Variants in SATB2 observed in about 807,000 individuals in gnomAD.
The protein encoded by SATB2 is SATB homeobox 2, also known as DNA-binding protein SATB2.
SATB2 carries 1 observed loss-of-function variant against 73.4 expected under a neutral mutation model. The observed-to-expected ratio is 0.01, with a 90% confidence interval of 0.00 to 0.06. SATB2 has a LOEUF of 0.06. SATB2 is among the 10% of genes least tolerant of loss of function. The pLI, the probability that SATB2 is intolerant of heterozygous loss-of-function variation, is 1.00. For missense variants in SATB2, 459 were observed against 945.8 expected, an observed-to-expected ratio of 0.49 and a Z score of 6.75; for synonymous variants, 397 against 367.0, an observed-to-expected ratio of 1.08 and a Z score of -0.93.
At chr2:199,467,096 C>G (rs1410406919), upstream of SATB2, among the ~76,000 whole-genome samples, 1 of 152,260 alleles carries the variant, frequency 6.6e-6, no homozygotes, top group Non-Finnish European at 1.5e-5. Context: ...CTGGGCAAGT[C>G]CCCTGCAGAA....
chr2:199,293,396 C>A (rs1692929692), intron 10 of SATB2, among the ~76,000 whole-genome samples: 1 of 151,888 alleles, frequency 6.6e-6, no homozygotes, highest in African/African-American at 2.4e-5. Flanking sequence ...CTCGAGTAGC[C>A]CAAACTTCTA....
intron 3 of SATB2, among the ~76,000 whole-genome samples, chr2:199,412,497 C>G (rs905468643): frequency 5.3e-5 from 8 of 152,180 alleles, no homozygotes; most frequent in Admixed American, 3.3e-4. Context: ...CCTGAATGCA[C>G]AGCACACAAA....
At chr2:199,330,728 T>A (rs1291138959) in intron 7 of SATB2, among the ~76,000 whole-genome samples, 1 of 152,218 alleles carries the variant, frequency 6.6e-6, no homozygotes, top group Non-Finnish European at 1.5e-5. Context: ...AATGAATTTG[T>A]TTTGAAGATA....
intron 5 of SATB2, among the ~76,000 whole-genome samples, chr2:199,372,898 C>T (rs982484179): frequency 6.6e-6 from 1 of 152,132 alleles, no homozygotes; most frequent in African/African-American, 2.4e-5. Flanking sequence ...AAATAATAAA[C>T]ACAGGTTAAA....
intron 2 of SATB2, among the ~76,000 whole-genome samples, chr2:199,441,655 G>T (rs1238707345): frequency 1.3e-5 from 2 of 152,136 alleles, no homozygotes; most frequent in African/African-American, 4.8e-5. Flanking sequence ...CTCGCTCACT[G>T]ACCACCCCGA....
At chr2:199,453,651 C>T (rs1692192506) in intron 2 of SATB2, among the ~76,000 whole-genome samples, 1 of 151,950 alleles carries the variant, frequency 6.6e-6, no homozygotes, top group African/African-American at 2.4e-5. Flanking sequence ...TTAACAGTTA[C>T]AAAGAAACTA....
At chr2:199,366,691 T>A (rs536360619) in intron 6 of SATB2, among the ~76,000 whole-genome samples, 1 of 151,104 alleles carries the variant, frequency 6.6e-6, no homozygotes, top group East Asian at 2.0e-4. Flanking sequence ...TCTCTTTGAA[T>A]AGTATGTGTA....
At chr2:199,358,698 T>A (rs1489832376) in intron 6 of SATB2, among the ~76,000 whole-genome samples, 2 of 152,118 alleles carry the variant, frequency 1.3e-5, no homozygotes, top group African/African-American at 4.8e-5. Flanking sequence ...AGGTGTATTT[T>A]CCCCTTATTA....
chr2:199,300,481 G>A (rs2105756557), intron 10 of SATB2, among the ~76,000 whole-genome samples: 1 of 151,458 alleles, frequency 6.6e-6, no homozygotes, highest in South Asian at 2.1e-4. Flanking sequence ...GGAGTACTTT[G>A]CTATCCCAAA....
At chr2:199,285,014 C>T (rs1692643948) in intron 10 of SATB2, among the ~76,000 whole-genome samples, 1 of 152,036 alleles carries the variant, frequency 6.6e-6, no homozygotes, top group Admixed American at 6.5e-5. Flanking sequence ...TTGTTATCTG[C>T]AAGAAGTTCT....
chr2:199,386,626 T>C (rs1689941554), intron 3 of SATB2, among the ~76,000 whole-genome samples: 1 of 152,108 alleles, frequency 6.6e-6, no homozygotes, highest in Non-Finnish European at 1.5e-5. Context: ...ATAAGTTTTG[T>C]AACCCCAATT....
In SATB2 at chr2:199,281,880, CTCT is replaced by C. The variant is rs1468935481; in HGVS notation, c.1741-9211_1741-9209del. The stretch of plus-strand genomic sequence containing the variant: ...TGTGGCGCTGCATTCCATATTCTCT[CTCT>C]TTTTTTTTTTTTTTTTGAGACAGGG... On this transcript the variant is annotated intron_variant, in intron 10 of 10. Transcript: ENST00000417098. 7.9e-5 allele frequency among the ~76,000 whole-genome samples: 9 copies of C among 113,596 alleles called. No individual in the cohort carries two copies. The South Asian group carries it at 2.2e-3, about 28-fold the overall frequency. 74.5% of individuals were successfully genotyped at this position (113,596 alleles called of 152,430 possible). A position where few individuals can be genotyped will look rare whatever the true frequency, so the allele number is the denominator to read the frequency against.
chr2:199,391,216 C>T (rs1483997216), intron 3 of SATB2, among the ~76,000 whole-genome samples: 3 of 151,950 alleles, frequency 2.0e-5, no homozygotes, highest in East Asian at 1.9e-4. Context: ...GAGGCCGAGG[C>T]GGGTGGATCA....
At chr2:199,342,426 T>TTA (rs1688532377) in intron 7 of SATB2, among the ~76,000 whole-genome samples, 2 of 122,426 alleles carry the variant, frequency 1.6e-5, no homozygotes, top group East Asian at 4.5e-4. Flanking sequence ...AAAGACTAGC[T>TTA]AAAAAAAAAA....
intron 3 of SATB2, among the ~76,000 whole-genome samples, chr2:199,386,188 T>C (rs1161979002): frequency 1.3e-5 from 2 of 152,214 alleles, no homozygotes; most frequent in Non-Finnish European, 1.5e-5. Context: ...AGTTGCATTA[T>C]ACCTACCAGG....
At chr2:199,291,083 G>C (rs1207354112) in intron 10 of SATB2, among the ~76,000 whole-genome samples, 1 of 152,112 alleles carries the variant, frequency 6.6e-6, no homozygotes, top group East Asian at 1.9e-4. Context: ...AGAAAACACT[G>C]AATGTCTTGT....
Position 199,405,605 on chromosome 2 carries a change from G to C in SATB2, c.347-23785C>G, listed in dbSNP as rs543787442. ...CATTTTTTGGGAGGGTGTATGGGGAGTACTCCACCACTATCACTTTTTCAG... is the reference window on the plus strand; with the variant it reads ...CATTTTTTGGGAGGGTGTATGGGGACTACTCCACCACTATCACTTTTTCAG... On this transcript the variant is annotated intron_variant, in intron 3 of 10. Transcript: ENST00000417098. 8.5e-5 allele frequency among the ~76,000 whole-genome samples: 13 copies of C among 152,224 alleles called. No homozygotes were observed. The East Asian group carries it at 2.5e-3, about 29-fold the overall frequency.
At chr2:199,469,547 G>C (rs924760468), upstream of SATB2, 4 of 152,534 alleles carry the variant, frequency 2.6e-5, no homozygotes, top group Middle Eastern at 6.8e-3. Context: ...TGGTGGGGGT[G>C]GGGGTGGGCA....
chr2:199,408,617 C>T (rs1159368853), intron 3 of SATB2, among the ~76,000 whole-genome samples: 4 of 147,042 alleles, frequency 2.7e-5, no homozygotes, highest in African/African-American at 1.0e-4. Context: ...CAACTTAATA[C>T]AACATGAAAG....
Sources: allele counts gnomAD v4.1 joint callset (sites outside exome capture counted in the v4.1 genomes callset), GRCh38; gene constraint gnomAD v4.1.1; transcripts MANE v1.5; gene names NCBI Gene and HGNC (gene_info 2026-07-23, HGNC 2026-07-21).